Variants in LRP12 observed in about 807,000 individuals in gnomAD.
LRP12 encodes LDL receptor related protein 12.
In LRP12, 14 loss-of-function variants were observed where a neutral mutation model predicts 66.0. The ratio of observed to expected loss-of-function variants is 0.21; its 90% CI spans 0.14 to 0.33. The LOEUF (loss-of-function observed/expected upper bound fraction) is 0.33. Ranked by LOEUF, LRP12 falls within the 10% of genes least tolerant of loss-of-function variation. The pLI, the probability that LRP12 is intolerant of heterozygous loss-of-function variation, is 1.00. For missense variants in LRP12, 889 were observed against 1,053.4 expected (o/e 0.84, Z 2.16); for synonymous variants, 357 against 359.1 (o/e 0.99, Z 0.07).
At chr8:104,503,220 G>A (rs560199776) in intron 3 of LRP12, among the ~76,000 whole-genome samples, 7 of 150,792 alleles carry the variant, frequency 4.6e-5, no homozygotes, top group African/African-American at 1.5e-4. Flanking sequence ...CCAGCTACTC[G>A]GGAGGCTGAG....
intron 1 of LRP12, among the ~76,000 whole-genome samples, chr8:104,549,886 A>C (rs1290668035): frequency 6.6e-6 from 1 of 152,192 alleles, no homozygotes; most frequent in Non-Finnish European, 1.5e-5. Flanking sequence ...AGTTTCCAAC[A>C]AACTTCCTCA....
rs1379397713 is a variant in LRP12 at position 104,526,082 on chromosome 8, T to G, written c.136+5825A>C. Among the ~76,000 whole-genome samples, 6 of 152,192 alleles carry G rather than the reference T, an allele frequency of 3.9e-5. No homozygotes were observed. The South Asian group carries it at 1.2e-3, about 32-fold the overall frequency. ...ATCATGAGCGAACTCCCATTCACAA[T>G]TGCTTCAAAGAGAATAAAATACTTA... is the stretch of plus-strand genomic sequence containing the variant. On this transcript the variant is annotated intron_variant, in intron 2 of 6. Transcript: ENST00000276654.
intron 6 of LRP12, among the ~76,000 whole-genome samples, 194 bp from the exon 7 acceptor site, chr8:104,491,733 A>C (rs1030837820): frequency 2.6e-5 from 4 of 152,156 alleles, no homozygotes; most frequent in Non-Finnish European, 5.9e-5. Context: ...TAATCTACTA[A>C]TCTAACTTGA....
intron 1 of LRP12, among the ~76,000 whole-genome samples, chr8:104,554,489 A>G (rs1332879938): frequency 6.6e-6 from 1 of 152,162 alleles, no homozygotes; most frequent in Admixed American, 6.5e-5. Flanking sequence ...AATACATTGG[A>G]AAATTGAAAC....
chr8:104,505,891 T>C (rs903371612), intron 3 of LRP12: 1 of 152,096 alleles, frequency 6.6e-6, no homozygotes, highest in Non-Finnish European at 1.5e-5. Flanking sequence ...ACAAATAGGG[T>C]AGAAACAATT....
At chr8:104,500,050 T>G (rs566873721) in intron 3 of LRP12, among the ~76,000 whole-genome samples, 1 of 152,342 alleles carries the variant, frequency 6.6e-6, no homozygotes, top group Non-Finnish European at 1.5e-5. Context: ...TGGTGAAAAG[T>G]CCTTGAGTTT....
chr8:104,512,380 A>G (rs957275211), intron 2 of LRP12, among the ~76,000 whole-genome samples: 3 of 152,214 alleles, frequency 2.0e-5, no homozygotes, highest in Non-Finnish European at 4.4e-5. Context: ...ATGAAAATAT[A>G]AACAAACATA....
Position 104,589,106 on chromosome 8 carries a change from T to G in LRP12, c.-209A>C. The stretch of plus-strand genomic sequence containing the variant: ...TCCCTCCTCCCTCCGGCTCGCCTGC[T>G]CCCACCCCGGGCGGTGCGAGAGCCC... On this transcript the variant is annotated 5_prime_UTR_variant, in exon 1 of 7. Transcript: ENST00000276654. 1.0e-5 allele frequency: 2 copies of G among 197,728 alleles called. No homozygotes were observed. Among genetic ancestry groups the G allele is most frequent in the African/African-American group, 2.4e-5 (1 of 41,808 alleles). 12.2% of individuals were successfully genotyped at this position (197,728 alleles called of 1,614,324 possible).
chr8:104,497,924 CAGCAGTTGG>C lies in LRP12; in HGVS notation c.619_627del (p.Pro207_Ala209del), dbSNP rs756321892. 2 of 1,614,168 alleles carry C rather than the reference CAGCAGTTGG, an allele frequency of 1.2e-6. No individual in the cohort carries two copies. The highest frequency in any genetic ancestry group is 4.5e-5 in the East Asian group (2 of 44,872). On this transcript the variant is annotated inframe_deletion, in exon 5 of 7. Transcript: ENST00000276654. This position sits in a 1 kb window ranked among gnomAD's most constrained non-coding sequence, Gnocchi z 4.3. ...TTGTAAGCACAGGGTTGAAAAGCAG[CAGCAGTTGG>C]AGGATTTGCTTCTTTGGCACAGATC...
At chr8:104,494,823 T>C (rs773602280) in intron 6 of LRP12, among the ~76,000 whole-genome samples, 1 of 152,248 alleles carries the variant, frequency 6.6e-6, no homozygotes, top group Non-Finnish European at 1.5e-5. Flanking sequence ...TTAATACTTT[T>C]GAATTATAAT....
intron 1 of LRP12, among the ~76,000 whole-genome samples, chr8:104,553,939 T>C (rs981630568): frequency 6.6e-6 from 1 of 152,196 alleles, no homozygotes; most frequent in South Asian, 2.1e-4. Flanking sequence ...GACCTGAAGA[T>C]GGATCACATC....
At position 104,491,266 on chromosome 8, in the gene LRP12, C is replaced by A. The variant is rs540727474; in HGVS notation, c.1987G>T (p.Asp663Tyr). The A allele has an allele frequency of 5.0e-6, 8 of 1,614,030 alleles. No homozygotes were observed. Among genetic ancestry groups the A allele is most frequent in the Non-Finnish European group, 6.8e-6 (8 of 1,180,012 alleles). Residue 663 changes from aspartate (D) to tyrosine (Y), a missense_variant, in exon 7 of 7, where the codon GAT (aspartate) becomes TAT (tyrosine). Physicochemically the swap from Asp to Tyr is radical, Grantham distance 160 (BLOSUM62 -3). This residue lies in a region of LRP12 where 800 missense variants were observed against 964.5 expected (regional missense o/e 0.83). Coordinates refer to ENST00000276654, the MANE Select transcript of LRP12 (RefSeq NM_013437.5). Reference protein sequence around the residue: ...DDTDTENERRDMAGASGGVAA... With the variant: ...DDTDTENERRYMAGASGGVAA... ...ACCCCACCAGATGCTCCTGCCATAT[C>A]TCTTCTCTCATTTTCTGTGTCTGTA...
chr8:104,491,655 T>C (rs1355927473), intron 6 of LRP12, 116 bp from the exon 7 acceptor site: 1 of 861,406 alleles, frequency 1.2e-6, no homozygotes, highest in Non-Finnish European at 1.7e-6. Context: ...TTACTCATTG[T>C]TGCTTTTGGG....
At chr8:104,550,887 T>C (rs917364443) in intron 1 of LRP12, among the ~76,000 whole-genome samples, 5 of 152,198 alleles carry the variant, frequency 3.3e-5, no homozygotes, top group African/African-American at 1.2e-4. Flanking sequence ...CTTTTTGCAC[T>C]ATTCTCTCAT....
chr8:104,507,001 G>A (rs1810920201), intron 3 of LRP12: 1 of 151,988 alleles, frequency 6.6e-6, no homozygotes, highest in African/African-American at 2.4e-5. Flanking sequence ...CAAAGCATCT[G>A]TGTACACTAG....
intron 2 of LRP12, among the ~76,000 whole-genome samples, chr8:104,510,057 A>G (rs1422311900): frequency 6.6e-6 from 1 of 152,224 alleles, no homozygotes; most frequent in Non-Finnish European, 1.5e-5. Flanking sequence ...TGATCTATCC[A>G]TCCACCCATC....
At chr8:104,519,514 T>C (rs949624582) in intron 2 of LRP12, among the ~76,000 whole-genome samples, 3 of 151,986 alleles carry the variant, frequency 2.0e-5, no homozygotes, top group Non-Finnish European at 4.4e-5. Flanking sequence ...TAATCCAAAA[T>C]CTGAAATGCT....
intron 3 of LRP12, among the ~76,000 whole-genome samples, chr8:104,501,107 T>C (rs1810822066): frequency 1.3e-5 from 2 of 152,246 alleles, no homozygotes; most frequent in African/African-American, 4.8e-5. Flanking sequence ...CCTTTATTCA[T>C]TAATATTTCT....
intron 4 of LRP12, 32 bp from the exon 5 acceptor site, chr8:104,498,108 G>C: frequency 6.6e-7 from 1 of 1,517,934 alleles, no homozygotes; most frequent in East Asian, 2.3e-5. Flanking sequence ...TAGATGGAAA[G>C]AGAAGGAGAA....
Sources: allele counts gnomAD v4.1 joint callset (sites outside exome capture counted in the v4.1 genomes callset), GRCh38; gene constraint gnomAD v4.1.1; regional missense constraint gnomAD v4.1.1; non-coding constraint Gnocchi (gnomAD v3.1); transcripts MANE v1.5; gene names NCBI Gene and HGNC (gene_info 2026-07-23, HGNC 2026-07-21).